Variants in ZBTB20 observed in about 807,000 individuals in gnomAD.
ZBTB20 encodes the protein zinc finger and BTB domain-containing protein 20.
Under a neutral mutation model 56.9 loss-of-function variants are expected in ZBTB20, and 9 were observed. The observed-to-expected ratio is 0.16, with a 90% confidence interval of 0.10 to 0.28. ZBTB20 has a LOEUF of 0.28. Among genes scored for constraint, ZBTB20 ranks in the 10% least tolerant of loss-of-function variants. The pLI is 1.00. For synonymous variants in ZBTB20, 417 were observed against 420.7 expected (o/e 0.99, Z 0.11); for missense variants, 655 against 1,003.0 (o/e 0.65, Z 4.69).
chr3:114,374,155 A>G (rs2083346387), intron 10 of ZBTB20, among the ~76,000 whole-genome samples: 1 of 152,254 alleles, frequency 6.6e-6, no homozygotes, highest in Non-Finnish European at 1.5e-5. Context: ...ACTAAGAGGC[A>G]GAAAGGTGAC....
At chr3:114,803,456 G>A (rs1372960306) in intron 4 of ZBTB20, among the ~76,000 whole-genome samples, 5 of 151,678 alleles carry the variant, frequency 3.3e-5, no homozygotes, top group East Asian at 1.9e-4. Flanking sequence ...CAAACGGCTG[G>A]GCAAAACAGA....
intron 4 of ZBTB20, among the ~76,000 whole-genome samples, chr3:114,839,465 A>AAGAAAG (rs767019231): frequency 9.2e-4 from 137 of 148,302 alleles, no homozygotes; most frequent in South Asian, 6.1e-3. Flanking sequence ...GAAAGAAAGA[A>AAGAAAG]AGAGAGAGAG....
intron 5 of ZBTB20, among the ~76,000 whole-genome samples, chr3:114,787,360 T>TACACACAC (rs1354282995): frequency 1.0e-3 from 99 of 96,108 alleles, no homozygotes; most frequent in African/African-American, 1.9e-3. Context: ...TATATATATA[T>TACACACAC]ATATATATAC....
intron 6 of ZBTB20, among the ~76,000 whole-genome samples, chr3:114,542,405 G>C (rs2049220089): frequency 6.6e-6 from 1 of 152,126 alleles, no homozygotes; most frequent in Non-Finnish European, 1.5e-5. Context: ...ACTCCTAAGT[G>C]CATTCTGGCA....
chr3:114,838,177 G>C (rs2108986181), intron 4 of ZBTB20, among the ~76,000 whole-genome samples: 1 of 152,300 alleles, frequency 6.6e-6, no homozygotes, highest in Middle Eastern at 3.4e-3. Context: ...GCAGTGGATA[G>C]ATGTTAGCTA....
chr3:115,053,924 G>A (rs73228397), intron 2 of ZBTB20, among the ~76,000 whole-genome samples: 1,653 of 152,104 alleles, frequency 0.011, 9 homozygotes, highest in Middle Eastern at 0.045. Context: ...TCATTATATT[G>A]CAAAAAACTC....
chr3:114,740,713 T>G (rs756080184), intron 5 of ZBTB20, among the ~76,000 whole-genome samples: 7 of 152,222 alleles, frequency 4.6e-5, no homozygotes, highest in Non-Finnish European at 1.0e-4. Context: ...AGTACCTTTC[T>G]CTATCACTGG....
At chr3:115,074,571 A>AATAGC (rs1560549498) in intron 1 of ZBTB20, among the ~76,000 whole-genome samples, 1 of 152,202 alleles carries the variant, frequency 6.6e-6, no homozygotes, top group Admixed American at 6.5e-5. Flanking sequence ...AAGTAACAGA[A>AATAGC]ATAGCATACA....
chr3:114,564,055 C>A lies in ZBTB20; in HGVS notation c.-294-63664G>T, dbSNP rs763468698. ...CCTTGAGTTTTCCAGTTATTAGAGGCCACCTGTATTCATTGGCTCATGATC... is the reference window on the plus strand; with the variant it reads ...CCTTGAGTTTTCCAGTTATTAGAGGACACCTGTATTCATTGGCTCATGATC... On this transcript the variant is annotated intron_variant, in intron 6 of 11. Transcript: ENST00000675478. Among the ~76,000 whole-genome samples the A allele has an allele frequency of 2.0e-5, 3 of 151,992 alleles. No individual in the cohort carries two copies. The South Asian group carries it at 6.2e-4, about 32-fold the overall frequency.
intron 4 of ZBTB20, among the ~76,000 whole-genome samples, chr3:114,805,657 T>G (rs1234562752): frequency 6.6e-6 from 1 of 151,908 alleles, no homozygotes; most frequent in Admixed American, 6.6e-5. Context: ...GTTATGTGTA[T>G]AACTCAATGA....
At chr3:114,776,336 A>T (rs2069606208) in intron 5 of ZBTB20, among the ~76,000 whole-genome samples, 1 of 152,122 alleles carries the variant, frequency 6.6e-6, no homozygotes, top group Non-Finnish European at 1.5e-5. Flanking sequence ...GATTATCTAG[A>T]TGGGCCCTAA....
chr3:114,512,705 T>C (rs2045551154), intron 6 of ZBTB20, among the ~76,000 whole-genome samples: 1 of 152,188 alleles, frequency 6.6e-6, no homozygotes, highest in Non-Finnish European at 1.5e-5. Flanking sequence ...TATAAAAGTC[T>C]ACCCAGAATT....
At chr3:114,660,530 T>C (rs1247112935) in intron 6 of ZBTB20, among the ~76,000 whole-genome samples, 4 of 152,174 alleles carry the variant, frequency 2.6e-5, no homozygotes, top group Non-Finnish European at 4.4e-5. Flanking sequence ...TTTTTCCCCT[T>C]TAAATCTTAT....
At chr3:114,615,644 A>G (rs895574293) in intron 6 of ZBTB20, among the ~76,000 whole-genome samples, 3 of 152,218 alleles carry the variant, frequency 2.0e-5, no homozygotes, top group Non-Finnish European at 4.4e-5. Flanking sequence ...AATGAATAAT[A>G]TAACTGCGTT....
chr3:115,062,240 C>T (rs922943686), intron 2 of ZBTB20, among the ~76,000 whole-genome samples: 1 of 152,192 alleles, frequency 6.6e-6, no homozygotes, highest in Non-Finnish European at 1.5e-5. Context: ...GCTGCCTAAG[C>T]AGCTGCAATA....
At chr3:114,397,514 T>C (rs2086435506) in intron 7 of ZBTB20, among the ~76,000 whole-genome samples, 1 of 152,132 alleles carries the variant, frequency 6.6e-6, no homozygotes, top group South Asian at 2.1e-4. Flanking sequence ...TCAGGGATAC[T>C]TTCTCTGTAG....
intron 2 of ZBTB20, among the ~76,000 whole-genome samples, chr3:115,026,153 T>TG (rs2080413115): frequency 6.6e-6 from 1 of 150,882 alleles, no homozygotes; most frequent in Non-Finnish European, 1.5e-5. Flanking sequence ...ATGTTCAATT[T>TG]GGGGGTCAAA....
intron 1 of ZBTB20, among the ~76,000 whole-genome samples, chr3:115,075,387 T>C (rs2082558357): frequency 6.6e-6 from 1 of 152,198 alleles, no homozygotes; most frequent in Admixed American, 6.5e-5. Flanking sequence ...AGTATCTGTC[T>C]TTCTATGACT....
chr3:114,521,840 T>G (rs1039335236), intron 6 of ZBTB20, among the ~76,000 whole-genome samples: 3 of 152,200 alleles, frequency 2.0e-5, no homozygotes, highest in African/African-American at 7.2e-5. Context: ...TAAGAAAATT[T>G]TGCCATGGAG....
Sources: gnomAD v4.1 joint callset for allele counts (sites outside exome capture counted in the v4.1 genomes callset) on GRCh38, gnomAD v4.1.1 for gene constraint, MANE v1.5 for transcripts, NCBI Gene and HGNC (gene_info 2026-07-23, HGNC 2026-07-21) for gene names.